Variants in GALNT13 observed in about 807,000 individuals in gnomAD.
GALNT13 encodes UDP-GalNAc:polypeptide N-acetylgalactosaminyltransferase 13.
In GALNT13, 28 loss-of-function variants were observed where a neutral mutation model predicts 64.2. That is an observed-to-expected ratio of 0.44 (90% CI 0.32 to 0.60). GALNT13 has a LOEUF of 0.60. Among genes scored for constraint, GALNT13 ranks in the 20% least tolerant of loss-of-function variants. The pLI is 0.05. For missense variants in GALNT13, 577 were observed against 669.8 expected (o/e 0.86, Z 1.53); for synonymous variants, 214 against 224.6 (o/e 0.95, Z 0.42).
the GALNT13 span, among the ~76,000 whole-genome samples, chr2:153,100,957 A>G: frequency 6.6e-6 from 1 of 152,138 alleles, no homozygotes; most frequent in African/African-American, 2.4e-5. Context: ...GGAACCCGAG[A>G]GGCAGAGGTT....
chr2:153,434,084 G>GT, the GALNT13 span, among the ~76,000 whole-genome samples: 2 of 152,082 alleles, frequency 1.3e-5, no homozygotes, highest in African/African-American at 2.4e-5. Flanking sequence ...GCGGTGTTTG[G>GT]TTTTTTGTCC....
chr2:153,774,756 A>T, the GALNT13 span, among the ~76,000 whole-genome samples: 1 of 152,048 alleles, frequency 6.6e-6, no homozygotes. Flanking sequence ...AACTAAACTA[A>T]ACAAAAAAAC....
chr2:153,671,424 A>G, the GALNT13 span, among the ~76,000 whole-genome samples: 3 of 152,220 alleles, frequency 2.0e-5, no homozygotes, highest in African/African-American at 7.2e-5. Flanking sequence ...GGAATTTTCA[A>G]CCCAGAATTT....
chr2:154,346,169 GAT>G (rs370337134), intron 9 of GALNT13, among the ~76,000 whole-genome samples: 8 of 151,458 alleles, frequency 5.3e-5, no homozygotes, highest in African/African-American at 1.5e-4. Flanking sequence ...AAAGGGAAAT[GAT>G]ATATATATAT....
the GALNT13 span, among the ~76,000 whole-genome samples, chr2:153,316,270 A>G: frequency 1.4e-4 from 21 of 152,084 alleles, no homozygotes; most frequent in Admixed American, 6.6e-4. Flanking sequence ...TTATAAAATT[A>G]AACTCCTACC....
chr2:153,914,095 A>G (rs775275468), intron 2 of GALNT13, among the ~76,000 whole-genome samples: 12 of 152,184 alleles, frequency 7.9e-5, no homozygotes, highest in Admixed American at 1.3e-4. Flanking sequence ...GAAAGATAGT[A>G]TTACTTAACA....
chr2:154,136,640 T>G (rs970765846), intron 3 of GALNT13, among the ~76,000 whole-genome samples: 36 of 152,100 alleles, frequency 2.4e-4, no homozygotes, highest in Admixed American at 3.9e-4. Flanking sequence ...AATTAAATTT[T>G]TTAAGTAGGT....
At chr2:153,099,428 G>C in the GALNT13 span, among the ~76,000 whole-genome samples, 26 of 152,230 alleles carry the variant, frequency 1.7e-4, no homozygotes, top group African/African-American at 6.3e-4. Flanking sequence ...GACTCTCACT[G>C]TTATGGAAAA....
At chr2:153,785,977 C>T in the GALNT13 span, among the ~76,000 whole-genome samples, 1 of 151,848 alleles carries the variant, frequency 6.6e-6, no homozygotes, top group Admixed American at 6.5e-5. Flanking sequence ...AACAAGCTCC[C>T]CAACGAGCAG....
chr2:154,017,787 T>TA (rs1289563787), intron 3 of GALNT13, among the ~76,000 whole-genome samples: 2 of 152,194 alleles, frequency 1.3e-5, no homozygotes, highest in African/African-American at 4.8e-5. Context: ...CACTACAAGT[T>TA]AATATGCACA....
chr2:153,718,264 AAAAC>A, the GALNT13 span, among the ~76,000 whole-genome samples: 48 of 152,282 alleles, frequency 3.2e-4, no homozygotes, highest in African/African-American at 9.9e-4. Context: ...CAAAACACAG[AAAAC>A]AAACAAACAA....
the GALNT13 span, among the ~76,000 whole-genome samples, chr2:153,502,216 T>TCC: frequency 6.6e-6 from 1 of 152,144 alleles, no homozygotes; most frequent in Non-Finnish European, 1.5e-5. Flanking sequence ...GTACTCAATG[T>TCC]GTAGTCTTTT....
the GALNT13 span, among the ~76,000 whole-genome samples, chr2:153,419,757 A>G: frequency 2.0e-4 from 30 of 152,220 alleles, no homozygotes; most frequent in Non-Finnish European, 3.8e-4. Flanking sequence ...TCTGGTTGTA[A>G]TATTTACTTT....
At chr2:153,721,051 C>T in the GALNT13 span, among the ~76,000 whole-genome samples, 1 of 151,304 alleles carries the variant, frequency 6.6e-6, no homozygotes, top group Non-Finnish European at 1.5e-5. Context: ...ATGTTAAGGG[C>T]AGCCAGAGAG....
intron 4 of GALNT13, among the ~76,000 whole-genome samples, chr2:154,177,724 A>G (rs1559007110): frequency 6.6e-6 from 1 of 152,220 alleles, no homozygotes. Context: ...ACCTAAAAGT[A>G]AAAATAATGC....
chr2:153,426,919 A>C, the GALNT13 span, among the ~76,000 whole-genome samples: 1 of 151,972 alleles, frequency 6.6e-6, no homozygotes, highest in African/African-American at 2.4e-5. Context: ...AGTAAAAATA[A>C]ATTTTATTGG....
chr2:154,138,315 A>T (rs1281559105), intron 3 of GALNT13, among the ~76,000 whole-genome samples: 1 of 152,082 alleles, frequency 6.6e-6, no homozygotes, highest in African/African-American at 2.4e-5. Context: ...AATCTGTATT[A>T]TGCCAGTTTA....
chr2:153,838,851 G>T, the GALNT13 span, among the ~76,000 whole-genome samples: 2 of 151,704 alleles, frequency 1.3e-5, no homozygotes, highest in Non-Finnish European at 2.9e-5. Context: ...AGATTGAATT[G>T]AATCTTTAGA....
At chr2:154,356,306 C>A (rs1189930107) in intron 9 of GALNT13, among the ~76,000 whole-genome samples, 1 of 151,942 alleles carries the variant, frequency 6.6e-6, no homozygotes, top group Non-Finnish European at 1.5e-5. Flanking sequence ...TTCCTAAACT[C>A]AGACTCTAAA....
Sources: allele counts gnomAD v4.1 joint callset (sites outside exome capture counted in the v4.1 genomes callset), GRCh38; gene constraint gnomAD v4.1.1; transcripts MANE v1.5; gene names NCBI Gene and HGNC (gene_info 2026-07-23, HGNC 2026-07-21).